SH3PXD2A: variants seen among roughly 807,000 people sequenced by gnomAD.
The protein encoded by SH3PXD2A is SH3 and PX domains 2A, also known as SH3 and PX domain-containing protein 2A.
Under a neutral mutation model 115.2 loss-of-function variants are expected in SH3PXD2A, and 32 were observed. The observed-to-expected ratio is 0.28, with a 90% CI of 0.21 to 0.37. The LOEUF (loss-of-function observed/expected upper bound fraction) is 0.37, where lower values mean the gene tolerates loss of function less well. SH3PXD2A is among the 10% of genes least tolerant of loss of function. The pLI is 1.00. For missense variants in SH3PXD2A, 1,328 were observed against 1,498.7 expected (o/e 0.89, Z 1.88); for synonymous variants, 610 against 629.1 (o/e 0.97, Z 0.45).
chr10:103,815,601 A>T (rs2039315990), intron 1 of SH3PXD2A, among the ~76,000 whole-genome samples: 1 of 151,960 alleles, frequency 6.6e-6, no homozygotes, highest in Non-Finnish European at 1.5e-5. Flanking sequence ...ACAGAAAGAA[A>T]AATACTGGGC....
At chr10:103,771,251 C>T (rs1231523200) in intron 2 of SH3PXD2A, among the ~76,000 whole-genome samples, 1 of 152,150 alleles carries the variant, frequency 6.6e-6, no homozygotes, top group Non-Finnish European at 1.5e-5. Context: ...ACATTTTTTC[C>T]CCAGCTCTGA....
rs909292910 is a variant in SH3PXD2A, at chr10:103,665,811, G to C, written c.472+2797C>G. Among the ~76,000 whole-genome samples, 9 of 152,200 alleles carry C rather than the reference G, an allele frequency of 5.9e-5. No individual in the cohort carries two copies. The highest frequency in any genetic ancestry group is 2.2e-4 in the African/African-American group (9 of 41,442). ...GGGAGGGGGCAGTGGAGGGAGCCTG[G>C]TGTCTTTAGATGAGGAGTGCTTGGC... On this transcript the variant is annotated intron_variant, in intron 7 of 14. Transcript: ENST00000369774. This position sits in a 1 kb window ranked among gnomAD's most constrained non-coding sequence, Gnocchi z 4.0.
At chr10:103,744,019 C>T (rs895541874) in intron 3 of SH3PXD2A, among the ~76,000 whole-genome samples, 2 of 152,190 alleles carry the variant, frequency 1.3e-5, no homozygotes, top group Admixed American at 1.3e-4. Flanking sequence ...CCTCTACTGG[C>T]TCCCCTGTCT....
intron 4 of SH3PXD2A, among the ~76,000 whole-genome samples, chr10:103,731,673 A>G (rs1315243172): frequency 6.6e-6 from 1 of 152,192 alleles, no homozygotes; most frequent in Non-Finnish European, 1.5e-5. Flanking sequence ...CTCCTGGGCC[A>G]GGTCTGCTTT....
At chr10:103,637,349 G>A (rs2036882648) in intron 8 of SH3PXD2A, among the ~76,000 whole-genome samples, 1 of 152,184 alleles carries the variant, frequency 6.6e-6, no homozygotes, top group Non-Finnish European at 1.5e-5. Flanking sequence ...TTCCCCGTGA[G>A]TTACTCTTGG....
intron 5 of SH3PXD2A, among the ~76,000 whole-genome samples, chr10:103,716,378 C>T (rs2038105282): frequency 6.6e-6 from 1 of 152,154 alleles, no homozygotes; most frequent in Non-Finnish European, 1.5e-5. Flanking sequence ...AGTCCATCCT[C>T]CTCTCACCCC....
At chr10:103,734,512 G>A (rs1375817133) in intron 4 of SH3PXD2A, among the ~76,000 whole-genome samples, 1 of 152,220 alleles carries the variant, frequency 6.6e-6, no homozygotes, top group African/African-American at 2.4e-5. Context: ...ACTTTGGGAC[G>A]CCAAGGCAGG....
At chr10:103,621,601 T>C (rs1218218003) in intron 10 of SH3PXD2A, among the ~76,000 whole-genome samples, 1 of 152,210 alleles carries the variant, frequency 6.6e-6, no homozygotes, top group East Asian at 1.9e-4. Context: ...TACACCTCTC[T>C]CTGTGCCGTC....
At chr10:103,643,365 A>G (rs1420828052) in intron 8 of SH3PXD2A, among the ~76,000 whole-genome samples, 1 of 152,198 alleles carries the variant, frequency 6.6e-6, no homozygotes, top group East Asian at 1.9e-4. Context: ...CACCTACACT[A>G]GTGTCATCTT....
At chr10:103,734,551 C>T (rs2038358558) in intron 4 of SH3PXD2A, among the ~76,000 whole-genome samples, 1 of 152,152 alleles carries the variant, frequency 6.6e-6, no homozygotes, top group African/African-American at 2.4e-5. Context: ...GAGTTTGAGA[C>T]CAGCCTGGCC....
At chr10:103,633,317 G>C (rs2036810526) in intron 8 of SH3PXD2A, among the ~76,000 whole-genome samples, 1 of 152,212 alleles carries the variant, frequency 6.6e-6, no homozygotes, top group African/African-American at 2.4e-5. Flanking sequence ...TGGGGAGGCT[G>C]AGGCATGAGA....
Position 103,603,791 on chromosome 10 carries a change from TG to T in SH3PXD2A, c.1429-3del. On this transcript the variant is annotated splice_region_variant and splice_polypyrimidine_tract_variant and intron_variant, in intron 14 of 14. Transcript: ENST00000369774. ...GCCACCTGAGTTCTTATCAATGACC[TG>T]GGGTACGAGTGCAGACAAGCCAGTG... is the stretch of plus-strand genomic sequence containing the variant. The T allele has an allele frequency of 6.3e-7, 1 of 1,590,048 alleles. No homozygotes were observed. Among genetic ancestry groups the T allele is most frequent in the African/African-American group, 1.3e-5 (1 of 74,664 alleles).
At position 103,602,592 on chromosome 10, in the gene SH3PXD2A, C is replaced by G; in HGVS notation, c.2626G>C (p.Gly876Arg). 1 of 1,614,180 alleles carries G rather than the reference C, an allele frequency of 6.2e-7. No individual in the cohort carries two copies. Among genetic ancestry groups the G allele is most frequent in the Non-Finnish European group, 8.5e-7 (1 of 1,180,040 alleles). Reference protein sequence around the residue: ...EVQVLEKQESGWWYVRFGELE... With the variant: ...EVQVLEKQESRWWYVRFGELE... ...TCCCCAAACCTCACATACCACCACC[C>G]GCTCTCCTGCTTCTCCAGCACCTGC... The change falls in exon 15 of 15, where the codon GGG (glycine) becomes CGG (arginine). Residue 876 changes from glycine to arginine, a missense_variant. This residue lies in a region of SH3PXD2A where 574 missense variants were observed against 565.7 expected (regional missense o/e 1.01). Coordinates refer to ENST00000369774, the MANE Select transcript of SH3PXD2A (RefSeq NM_001394015.1).
Position 103,725,663 on chromosome 10 carries a change from C to A in SH3PXD2A, c.307-1302G>T, listed in dbSNP as rs184982457. Among the ~76,000 whole-genome samples the A allele has an allele frequency of 2.4e-4, 36 of 151,938 alleles. No homozygotes were observed. The East Asian group carries it at 6.6e-3, about 28-fold the overall frequency. On this transcript the variant is annotated intron_variant, in intron 4 of 14. Coordinates refer to ENST00000369774, the MANE Select transcript of SH3PXD2A (RefSeq NM_001394015.1). ...CCAACATGGAGAAACCCCGTCTCTA[C>A]GAAAAATACAAAAATTAGCCAGTGT...
intron 5 of SH3PXD2A, among the ~76,000 whole-genome samples, chr10:103,721,997 TG>T (rs2038188052): frequency 6.6e-6 from 1 of 151,988 alleles, no homozygotes. Context: ...ATCTGTAATG[TG>T]GGGATAAGAA....
At chr10:103,748,793 G>C (rs992198945) in intron 3 of SH3PXD2A, among the ~76,000 whole-genome samples, 6 of 152,084 alleles carry the variant, frequency 3.9e-5, no homozygotes, top group African/African-American at 1.2e-4. Context: ...GTTATGAAAG[G>C]TGCCAAAGAG....
chr10:103,747,795 G>A (rs2038523867), intron 3 of SH3PXD2A, among the ~76,000 whole-genome samples: 1 of 150,832 alleles, frequency 6.6e-6, no homozygotes, highest in Admixed American at 6.6e-5. Context: ...ACCAAAGCCT[G>A]CTTTCATTTT....
intron 3 of SH3PXD2A, among the ~76,000 whole-genome samples, chr10:103,760,582 ATATG>A (rs1423676006): frequency 1.3e-5 from 2 of 151,082 alleles, no homozygotes; most frequent in Middle Eastern, 3.4e-3. Context: ...AAAGATATAT[ATATG>A]TATTTAAAAT....
rs1322061788 is a variant in SH3PXD2A, at chr10:103,786,843, C to T, written c.153+14439G>A. Reference sequence around the variant, plus strand: ...GAGTCCCCCCAGCCTGAGGGGTGACCCCTGCTCCCCAACCTCCCCTGCCTC... The same window carrying T: ...GAGTCCCCCCAGCCTGAGGGGTGACTCCTGCTCCCCAACCTCCCCTGCCTC... On this transcript the variant is annotated intron_variant, in intron 2 of 14. Transcript: ENST00000369774. Among the ~76,000 whole-genome samples the T allele has an allele frequency of 7.2e-5, 11 of 152,200 alleles. No individual in the cohort carries two copies. The South Asian group carries it at 1.7e-3, about 23-fold the overall frequency.
Sources: allele counts gnomAD v4.1 joint callset (sites outside exome capture counted in the v4.1 genomes callset), GRCh38; gene constraint gnomAD v4.1.1; regional missense constraint gnomAD v4.1.1; non-coding constraint Gnocchi (gnomAD v3.1); transcripts MANE v1.5; gene names NCBI Gene and HGNC (gene_info 2026-07-23, HGNC 2026-07-21).